COL28A1: variants seen among roughly 807,000 people sequenced by gnomAD.
The protein encoded by COL28A1 is collagen type XXVIII alpha 1 chain, also known as collagen alpha-1(XXVIII) chain.
COL28A1 carries 161 observed loss-of-function variants against 150.2 expected under a neutral mutation model. That is an observed-to-expected ratio of 1.07 (90% confidence interval 0.94 to 1.22). The LOEUF (loss-of-function observed/expected upper bound fraction) is 1.22, where lower values mean the gene tolerates loss of function less well. Among genes scored for constraint, COL28A1 ranks in the 50% most tolerant of loss-of-function variants. The pLI, the probability that COL28A1 is intolerant of heterozygous loss-of-function variation, is 0.00. For missense variants in COL28A1, 1,617 were observed against 1,388.3 expected (o/e 1.16, Z -2.62); for synonymous variants, 552 against 469.7 (o/e 1.18, Z -2.26).
At chr7:7,541,025 TAAG>T in the COL28A1 span, among the ~76,000 whole-genome samples, 1 of 152,196 alleles carries the variant, frequency 6.6e-6, no homozygotes, top group Non-Finnish European at 1.5e-5. Context: ...TGAGATTTAA[TAAG>T]AATATCCAAA....
chr7:7,453,994 ATAGTCAG>A (rs1786925932), intron 16 of COL28A1, among the ~76,000 whole-genome samples: 1 of 152,230 alleles, frequency 6.6e-6, no homozygotes, highest in Non-Finnish European at 1.5e-5. Flanking sequence ...AACAGAAGCA[ATAGTCAG>A]TAGATACCAA....
chr7:7,352,743 T>C (rs899343580), downstream of COL28A1, among the ~76,000 whole-genome samples: 4 of 152,212 alleles, frequency 2.6e-5, no homozygotes, highest in African/African-American at 9.7e-5. Flanking sequence ...CCTACAAAAT[T>C]ATAACATAAC....
intron 13 of COL28A1, among the ~76,000 whole-genome samples, chr7:7,477,731 T>C (rs889166426): frequency 2.6e-5 from 4 of 152,142 alleles, no homozygotes; most frequent in African/African-American, 4.8e-5. Flanking sequence ...AGCAGTAAGA[T>C]ATACAGCAAA....
At chr7:7,361,619 T>C (rs946289257) in intron 33 of COL28A1, among the ~76,000 whole-genome samples, 4 of 152,226 alleles carry the variant, frequency 2.6e-5, no homozygotes, top group Non-Finnish European at 5.9e-5. Flanking sequence ...TTCATGTTTG[T>C]TGGCTGCATA....
rs76949775 is a variant in COL28A1 at position 7,416,211 on chromosome 7, G to T, written c.2136+1648C>A. On this transcript the variant is annotated intron_variant, in intron 27 of 34. Coordinates refer to ENST00000399429, the MANE Select transcript of COL28A1 (RefSeq NM_001037763.3). ...TCTCATTTCTGATAAGATGGGATACGTGGCAGTTTTGATTTTGGTGCTTTC... is the reference window on the plus strand; with the variant it reads ...TCTCATTTCTGATAAGATGGGATACTTGGCAGTTTTGATTTTGGTGCTTTC... 5.4e-3 allele frequency among the ~76,000 whole-genome samples: 819 copies of T among 152,334 alleles called. 11 individuals are homozygous for T. Among genetic ancestry groups the T allele is most frequent in the African/African-American group, 0.019 (787 of 41,556 alleles).
In COL28A1 at chr7:7,531,682, G is replaced by A. The variant is rs747927764; in HGVS notation, c.347C>T (p.Thr116Ile). ...CATAGACTTGACCTTCTGCTTAAAT[G>A]TCTGCAGGTCCTTCCAGGAAGAAAA... ...PPFSSWKDLQ[T>I]FKQKVKSMNL... is the part of the protein sequence containing the mutation. The change falls in exon 3 of 35, where the codon ACA (threonine) becomes ATA (isoleucine). Residue 116 changes from threonine to isoleucine, a missense_variant. Thr to Ile is a moderately conservative substitution (Grantham distance 89). Coordinates refer to ENST00000399429, the MANE Select transcript of COL28A1 (RefSeq NM_001037763.3). The A allele has an allele frequency of 5.0e-6, 8 of 1,584,750 alleles. No homozygotes were observed. In the Admixed American group the frequency reaches 8.3e-5, roughly 17 times the overall value.
At chr7:7,410,369 C>A (rs897102753) in intron 27 of COL28A1, among the ~76,000 whole-genome samples, 2 of 152,160 alleles carry the variant, frequency 1.3e-5, no homozygotes, top group Admixed American at 1.3e-4. Context: ...ATTGACTTGG[C>A]AGGTATAATC....
At chr7:7,376,168 T>C (rs910944461) in intron 30 of COL28A1, among the ~76,000 whole-genome samples, 2 of 152,080 alleles carry the variant, frequency 1.3e-5, no homozygotes, top group African/African-American at 4.8e-5. Context: ...CTGTGCAGTG[T>C]GTTTATAAGT....
At chr7:7,501,761 G>A (rs1352763069) in intron 11 of COL28A1, among the ~76,000 whole-genome samples, 1 of 152,110 alleles carries the variant, frequency 6.6e-6, no homozygotes, top group Non-Finnish European at 1.5e-5. Context: ...GCAGCGTTGG[G>A]TTTTTAGGGG....
At chr7:7,431,480 C>A (rs1264196269) in intron 25 of COL28A1, 2 of 469,472 alleles carry the variant, frequency 4.3e-6, no homozygotes, top group Non-Finnish European at 8.8e-6. Flanking sequence ...GGGGAGGTGA[C>A]ATTTGAGCTA....
chr7:7,432,385 A>G, intron 25 of COL28A1, 88 bp downstream of exon 25: 1 of 984,162 alleles, frequency 1.0e-6, no homozygotes, highest in Non-Finnish European at 1.6e-6. Flanking sequence ...CTACTCTTCT[A>G]GCTGATAAAA....
At chr7:7,526,163 C>T (rs925402780) in intron 3 of COL28A1, among the ~76,000 whole-genome samples, 1 of 152,214 alleles carries the variant, frequency 6.6e-6, no homozygotes, top group African/African-American at 2.4e-5. Flanking sequence ...GCTGCCAGGA[C>T]AATTCTTGCT....
intron 13 of COL28A1, among the ~76,000 whole-genome samples, chr7:7,480,719 C>A (rs59521144): frequency 0.11 from 16,268 of 152,200 alleles, 1,010 homozygotes; most frequent in Middle Eastern, 0.22. Context: ...AGCAGGTAAA[C>A]GGCATTGTGC....
chr7:7,421,171 T>A (rs528694486), intron 25 of COL28A1, among the ~76,000 whole-genome samples: 1 of 152,174 alleles, frequency 6.6e-6, no homozygotes, highest in African/African-American at 2.4e-5. Context: ...TGCCATAACA[T>A]GAATGAACCT....
chr7:7,438,597 C>T (rs1785521048), intron 21 of COL28A1, among the ~76,000 whole-genome samples: 1 of 152,202 alleles, frequency 6.6e-6, no homozygotes, highest in Admixed American at 6.5e-5. Flanking sequence ...TTCCAAATGA[C>T]CCACTGGGAT....
At chr7:7,500,016 C>T (rs575372170) in intron 11 of COL28A1, among the ~76,000 whole-genome samples, 1 of 152,280 alleles carries the variant, frequency 6.6e-6, no homozygotes, top group Admixed American at 6.5e-5. Flanking sequence ...GTAGAAGTAA[C>T]ACATTGGATT....
intron 33 of COL28A1, among the ~76,000 whole-genome samples, chr7:7,360,895 T>C (rs1374725208): frequency 6.6e-6 from 1 of 152,252 alleles, no homozygotes; most frequent in African/African-American, 2.4e-5. Context: ...GCCACTGCTA[T>C]GAGAAAATAA....
At chr7:7,507,290 A>T in intron 9 of COL28A1, 129 bp from the exon 10 acceptor site, 1 of 546,492 alleles carries the variant, frequency 1.8e-6, no homozygotes, top group Non-Finnish European at 3.2e-6. Flanking sequence ...CATCAAAGGC[A>T]ATAAACTGAA....
chr7:7,479,437 G>A (rs1789214097), intron 13 of COL28A1, among the ~76,000 whole-genome samples: 1 of 152,234 alleles, frequency 6.6e-6, no homozygotes, highest in South Asian at 2.1e-4. Flanking sequence ...CTGGAACTGT[G>A]TGGCCCAGAG....
Sources: allele counts gnomAD v4.1 joint callset (sites outside exome capture counted in the v4.1 genomes callset), GRCh38; gene constraint gnomAD v4.1.1; transcripts MANE v1.5; gene names NCBI Gene and HGNC (gene_info 2026-07-23, HGNC 2026-07-21).